The following TSPAN15 variants were observed in gnomAD, a reference collection of about 807,000 sequenced individuals.
TSPAN15 encodes the protein tetraspanin 15, also known as tetraspanin-15.
TSPAN15 carries 20 observed loss-of-function variants against 34.5 expected under a neutral mutation model. That is an observed-to-expected ratio of 0.58 (90% CI 0.41 to 0.84). The LOEUF (loss-of-function observed/expected upper bound fraction) is 0.84, where lower values mean the gene tolerates loss of function less well. Among genes scored for constraint, TSPAN15 ranks in the 40% least tolerant of loss-of-function variants. The pLI is 0.00. For synonymous variants in TSPAN15, 155 were observed against 153.9 expected (o/e 1.01, Z -0.05); for missense variants, 313 against 386.1 (o/e 0.81, Z 1.59).
chr10:69,498,858 G>T (rs1272904117), intron 5 of TSPAN15, among the ~76,000 whole-genome samples: 1 of 152,218 alleles, frequency 6.6e-6, no homozygotes, highest in African/African-American at 2.4e-5. Context: ...CCAGGTGAGG[G>T]CAGGAGGGAG....
chr10:69,467,803 G>A (rs1218319497), intron 1 of TSPAN15, among the ~76,000 whole-genome samples: 2 of 152,018 alleles, frequency 1.3e-5, no homozygotes, highest in Admixed American at 6.6e-5. Flanking sequence ...ATATCTAATT[G>A]TCCCTAAAAC....
intron 1 of TSPAN15, among the ~76,000 whole-genome samples, chr10:69,454,071 G>T (rs1353369409): frequency 6.6e-6 from 1 of 151,914 alleles, no homozygotes; most frequent in East Asian, 1.9e-4. Flanking sequence ...TATCTCTGGT[G>T]CCATCTCTGG....
At chr10:69,511,859 A>G (rs1842417851), downstream of TSPAN15, among the ~76,000 whole-genome samples, 1 of 146,160 alleles carries the variant, frequency 6.8e-6, no homozygotes, top group African/African-American at 2.5e-5. Flanking sequence ...CAAACACCGC[A>G]TGTTCTCACT....
At position 69,483,864 on chromosome 10, in the gene TSPAN15, C is replaced by T. The variant is rs751901067; in HGVS notation, c.270C>T (p.Tyr90=). The change falls in exon 2 of 8, where the codon TAC becomes TAT. Residue 90 remains tyrosine, a synonymous_variant. Transcript: ENST00000373290. ...GVLASLRDNL[Y]LLQAFMYILG... Reference sequence around the variant, plus strand: ...TGGCGTCCCTCCGTGACAACCTGTACCTTCTCCAAGCAGTGAGTGGACCAC... The same window carrying T: ...TGGCGTCCCTCCGTGACAACCTGTATCTTCTCCAAGCAGTGAGTGGACCAC... 55 of 1,613,482 alleles carry T rather than the reference C, an allele frequency of 3.4e-5. No individual in the cohort carries two copies. In the Admixed American group the frequency reaches 8.5e-4, roughly 25 times the overall value.
chr10:69,491,395 G>T (rs1316613514), intron 3 of TSPAN15, among the ~76,000 whole-genome samples: 1 of 152,190 alleles, frequency 6.6e-6, no homozygotes, highest in East Asian at 1.9e-4. Context: ...AGACAGTCTT[G>T]CTCTGTCACC....
downstream of TSPAN15, among the ~76,000 whole-genome samples, chr10:69,511,474 T>G (rs1353243725): frequency 2.0e-5 from 3 of 152,188 alleles, no homozygotes; most frequent in Non-Finnish European, 2.9e-5. Context: ...TCTTTTCTTC[T>G]TTATTAGTCT....
the TSPAN15 span, among the ~76,000 whole-genome samples, chr10:69,530,812 CTCTCTCTCTATATATATATATATATA>C: frequency 6.0e-5 from 4 of 66,718 alleles, no homozygotes; most frequent in East Asian, 6.2e-4. Context: ...CTCTCTCTCT[CTCTCTCTCTATATATATATATATATA>C]TATATATATA....
intron 1 of TSPAN15, among the ~76,000 whole-genome samples, chr10:69,464,789 C>A (rs1006229011): frequency 1.6e-4 from 24 of 152,252 alleles, no homozygotes; most frequent in African/African-American, 5.8e-4. Flanking sequence ...CCAGCATGTG[C>A]CCCTGGTTCT....
intron 1 of TSPAN15, among the ~76,000 whole-genome samples, chr10:69,460,902 G>A (rs1185139725): frequency 6.6e-6 from 1 of 152,146 alleles, no homozygotes; most frequent in African/African-American, 2.4e-5. Flanking sequence ...GCAGAGCTGA[G>A]GAGGATGAGC....
chr10:69,507,123 C>T lies in TSPAN15; in HGVS notation c.*145C>T. On this transcript the variant is annotated 3_prime_UTR_variant, in exon 8 of 8. Coordinates refer to ENST00000373290, the MANE Select transcript of TSPAN15 (RefSeq NM_012339.5). ...GGGCTGTGTGTGCCTGTGTGTAGGT[C>T]CCACGGCCTCTGCCTCCCCAGGGAG... The T allele has an allele frequency of 6.8e-7, 1 of 1,461,066 alleles. No individual in the cohort carries two copies. Among genetic ancestry groups the T allele is most frequent in the Non-Finnish European group, 9.0e-7 (1 of 1,111,128 alleles). The allele number at this position is 1,461,066 out of a possible 1,614,324, so 90.5% of individuals were successfully genotyped here.
the TSPAN15 span, among the ~76,000 whole-genome samples, chr10:69,539,550 G>GAA: frequency 3.2e-5 from 3 of 92,852 alleles, no homozygotes; most frequent in Admixed American, 1.1e-4. Context: ...AGAAGGAGAA[G>GAA]GAGAAGGAGA....
intron 1 of TSPAN15, among the ~76,000 whole-genome samples, chr10:69,455,350 C>T (rs902647628): frequency 2.0e-5 from 3 of 152,096 alleles, no homozygotes; most frequent in Admixed American, 6.5e-5. Flanking sequence ...CACAGAACTA[C>T]GTATGTAGCC....
intron 1 of TSPAN15, among the ~76,000 whole-genome samples, chr10:69,452,614 A>G (rs1361443854): frequency 2.6e-5 from 4 of 152,230 alleles, no homozygotes; most frequent in Non-Finnish European, 4.4e-5. Flanking sequence ...CATTATTACT[A>G]TCGTGGGCAG....
chr10:69,483,985 C>T (rs922016820), intron 2 of TSPAN15, 109 bp downstream of exon 2: 13 of 1,204,956 alleles, frequency 1.1e-5, no homozygotes, highest in Non-Finnish European at 1.2e-5. Flanking sequence ...CAAACCACCT[C>T]CTTTAGAGAG....
the TSPAN15 span, among the ~76,000 whole-genome samples, chr10:69,533,527 GT>G: frequency 3.9e-5 from 6 of 152,260 alleles, no homozygotes; most frequent in South Asian, 1.2e-3. Flanking sequence ...AAGGGGGAGA[GT>G]GGGCAAGGAA....
the TSPAN15 span, among the ~76,000 whole-genome samples, chr10:69,535,140 C>T: frequency 2.0e-5 from 3 of 152,132 alleles, no homozygotes; most frequent in South Asian, 2.1e-4. Flanking sequence ...CACCCAAATG[C>T]GGTGAGCATT....
chr10:69,533,880 C>T, the TSPAN15 span, among the ~76,000 whole-genome samples: 1 of 152,088 alleles, frequency 6.6e-6, no homozygotes, highest in African/African-American at 2.4e-5. Flanking sequence ...TTAGTGGACA[C>T]CCAGATGGCG....
intron 3 of TSPAN15, among the ~76,000 whole-genome samples, chr10:69,489,477 G>A (rs908080693): frequency 6.6e-6 from 1 of 152,230 alleles, no homozygotes; most frequent in African/African-American, 2.4e-5. Flanking sequence ...AAATTATGAA[G>A]TATTATTTGG....
the TSPAN15 span, among the ~76,000 whole-genome samples, chr10:69,542,229 C>G: frequency 6.6e-6 from 1 of 152,210 alleles, no homozygotes; most frequent in Non-Finnish European, 1.5e-5. Flanking sequence ...CAGTTTCCAA[C>G]AAGTTCCTCA....
Sources: gnomAD v4.1 joint callset for allele counts (sites outside exome capture counted in the v4.1 genomes callset) on GRCh38, gnomAD v4.1.1 for gene constraint, MANE v1.5 for transcripts, NCBI Gene and HGNC (gene_info 2026-07-23, HGNC 2026-07-21) for gene names.